TMEM266: variants seen among roughly 807,000 people sequenced by gnomAD.
TMEM266 encodes the protein transmembrane protein 266, also known as Hv1 related protein 1.
TMEM266 carries 33 observed loss-of-function variants against 50.5 expected under a neutral mutation model. The observed-to-expected ratio is 0.65, with a 90% CI of 0.50 to 0.87. The LOEUF is 0.87. Ranked by LOEUF, TMEM266 falls within the 40% of genes least tolerant of loss-of-function variation. The pLI is 0.00. For synonymous variants in TMEM266, 310 were observed against 292.3 expected (o/e 1.06, Z -0.62); for missense variants, 655 against 695.1 (o/e 0.94, Z 0.65).
intron 3 of TMEM266, among the ~76,000 whole-genome samples, chr15:76,150,800 TCCAGGTCACCC>T (rs2037828457): frequency 6.6e-6 from 1 of 152,256 alleles, no homozygotes; most frequent in African/African-American, 2.4e-5. Flanking sequence ...GCCAGCTCCT[TCCAGGTCACCC>T]CTGTGGCTTT....
At chr15:76,169,682 G>A (rs895058708) in intron 5 of TMEM266, 134 bp from the exon 6 acceptor site, 1 of 1,009,976 alleles carries the variant, frequency 9.9e-7, no homozygotes, top group African/African-American at 1.6e-5. Context: ...CAGGGGCCAA[G>A]GAATGCTTAG....
chr15:76,106,350 C>CT (rs1389858052), intron 1 of TMEM266, among the ~76,000 whole-genome samples: 1 of 152,100 alleles, frequency 6.6e-6, no homozygotes, highest in African/African-American at 2.4e-5. Flanking sequence ...ATCCTTTCTA[C>CT]TTTTTTTAAA....
rs373954795 is a variant in TMEM266, at chr15:76,203,963, G to C, written c.1244G>C (p.Arg415Pro). The C allele has an allele frequency of 3.7e-6, 6 of 1,611,936 alleles. No homozygotes were observed. Among genetic ancestry groups the C allele is most frequent in the Non-Finnish European group, 4.2e-6 (5 of 1,178,616 alleles). The stretch of plus-strand genomic sequence containing the variant: ...TCCTCCATGGACTGCAGCACTGCCC[G>C]CGAGGAGCCGTCCTCTGAGCCCGGC... Residue 415 changes from arginine (R) to proline (P), a missense_variant, in exon 11 of 11, where the codon CGC (arginine) becomes CCC (proline). Physicochemically the swap from Arg to Pro is moderately radical, Grantham distance 103. Transcript: ENST00000388942.
intron 1 of TMEM266, among the ~76,000 whole-genome samples, chr15:76,126,302 A>G (rs2037421574): frequency 6.6e-6 from 1 of 150,812 alleles, no homozygotes; most frequent in Admixed American, 6.6e-5. Flanking sequence ...ACAATGTCCA[A>G]GATTTGGAAG....
intron 1 of TMEM266, among the ~76,000 whole-genome samples, chr15:76,129,828 C>G (rs2037478541): frequency 6.6e-6 from 1 of 151,982 alleles, no homozygotes. Context: ...TCATATTAAT[C>G]ATAATGTGTG....
At chr15:76,128,884 C>T (rs1262176455) in intron 1 of TMEM266, among the ~76,000 whole-genome samples, 1 of 152,190 alleles carries the variant, frequency 6.6e-6, no homozygotes, top group African/African-American at 2.4e-5. Flanking sequence ...TGCTCCTCCG[C>T]TCAACCCATG....
chr15:76,076,997 C>T (rs2036616759), intron 1 of TMEM266, among the ~76,000 whole-genome samples: 1 of 151,966 alleles, frequency 6.6e-6, no homozygotes, highest in African/African-American at 2.4e-5. Context: ...CAAGGCCTCA[C>T]TCTGTCACCC....
At chr15:76,190,940 C>T (rs535667146) in intron 8 of TMEM266, among the ~76,000 whole-genome samples, 159 of 152,288 alleles carry the variant, frequency 1.0e-3, no homozygotes, top group Non-Finnish European at 2.0e-3. Context: ...CACTAGGTGG[C>T]GGTGAAGGCT....
chr15:76,191,903 G>C, intron 8 of TMEM266, 65 bp from the exon 9 acceptor site: 1 of 1,444,942 alleles, frequency 6.9e-7, no homozygotes, highest in Non-Finnish European at 9.1e-7. Context: ...AGCGCCCAGA[G>C]GTCAGGCTGG....
chr15:76,175,513 G>A (rs1438845585), intron 7 of TMEM266, 46 bp from the exon 8 acceptor site: 2 of 1,515,080 alleles, frequency 1.3e-6, no homozygotes, highest in African/African-American at 1.4e-5. Context: ...CCTAGTCCAA[G>A]CCCTGCCACT....
intron 2 of TMEM266, among the ~76,000 whole-genome samples, chr15:76,134,645 G>A (rs922034623): frequency 6.6e-6 from 1 of 152,156 alleles, no homozygotes; most frequent in South Asian, 2.1e-4. Flanking sequence ...CACCTGCAAG[G>A]TGGTCACTTA....
chr15:76,169,878 G>A lies in TMEM266; in HGVS notation c.513+6G>A, dbSNP rs756567807. 3.7e-6 allele frequency: 6 copies of A among 1,612,792 alleles called. No individual in the cohort carries two copies. The highest frequency in any genetic ancestry group is 3.4e-6 in the Non-Finnish European group (4 of 1,179,138). On this transcript the variant is annotated splice_donor_region_variant and intron_variant, in intron 6 of 10. Coordinates refer to ENST00000388942, the MANE Select transcript of TMEM266 (RefSeq NM_152335.3). ...ACATCGAAAACAAAATAGAGGTAAAGACCAATGTCCACCCCCAAAGCCCCC... is the reference window on the plus strand; with the variant it reads ...ACATCGAAAACAAAATAGAGGTAAAAACCAATGTCCACCCCCAAAGCCCCC...
intron 1 of TMEM266, among the ~76,000 whole-genome samples, chr15:76,072,528 T>C (rs2036553070): frequency 6.7e-6 from 1 of 150,218 alleles, no homozygotes; most frequent in Non-Finnish European, 1.5e-5. Context: ...AAACTAGGAG[T>C]GAGCCTCTGG....
chr15:76,188,982 C>A (rs887772017), intron 8 of TMEM266, among the ~76,000 whole-genome samples: 9 of 152,118 alleles, frequency 5.9e-5, no homozygotes, highest in African/African-American at 1.7e-4. Flanking sequence ...AAGTTTGAGA[C>A]CAGTCTGGGC....
chr15:76,076,708 C>T (rs546318700), intron 1 of TMEM266, among the ~76,000 whole-genome samples: 4 of 151,948 alleles, frequency 2.6e-5, no homozygotes, highest in Non-Finnish European at 5.9e-5. Flanking sequence ...TGAATGGTTC[C>T]TAGGAAGGTC....
intron 1 of TMEM266, among the ~76,000 whole-genome samples, chr15:76,119,644 G>A (rs752177453): frequency 6.6e-6 from 1 of 152,038 alleles, no homozygotes; most frequent in Admixed American, 6.6e-5. Context: ...GAGAGCCCCT[G>A]TAGTCCCAAC....
chr15:76,203,592 A>G (rs1340477315), intron 10 of TMEM266, 149 bp from the exon 11 acceptor site: 2 of 696,708 alleles, frequency 2.9e-6, no homozygotes, highest in South Asian at 1.8e-5. Context: ...ACTGGGAGGG[A>G]GTTCTACCAA....
intron 1 of TMEM266, among the ~76,000 whole-genome samples, chr15:76,095,678 C>G (rs1356062657): frequency 6.6e-6 from 1 of 151,968 alleles, no homozygotes; most frequent in Admixed American, 6.6e-5. Flanking sequence ...GGAATAGTTT[C>G]AGAAGGAATG....
intron 5 of TMEM266, among the ~76,000 whole-genome samples, chr15:76,165,967 G>C (rs969756331): frequency 6.6e-6 from 1 of 152,172 alleles, no homozygotes; most frequent in Non-Finnish European, 1.5e-5. Flanking sequence ...AGCATATTCC[G>C]GGGCTTGTGC....
Sources: allele counts gnomAD v4.1 joint callset (sites outside exome capture counted in the v4.1 genomes callset), GRCh38; gene constraint gnomAD v4.1.1; transcripts MANE v1.5; gene names NCBI Gene and HGNC (gene_info 2026-07-23, HGNC 2026-07-21).